NAV2: variants seen among roughly 807,000 people sequenced by gnomAD.
NAV2 encodes helicase, APC down-regulated 1.
Under a neutral mutation model 223.2 loss-of-function variants are expected in NAV2, and 54 were observed. The ratio of observed to expected loss-of-function variants is 0.24; its 90% CI spans 0.19 to 0.30. NAV2 has a LOEUF of 0.30. NAV2 is among the 10% of genes least tolerant of loss of function. The pLI is 1.00. For synonymous variants in NAV2, 1,279 were observed against 1,239.3 expected (o/e 1.03, Z -0.67); for missense variants, 2,806 against 3,147.5 (o/e 0.89, Z 2.60).
At chr11:19,918,395 G>GA (rs2043986420) in intron 6 of NAV2, among the ~76,000 whole-genome samples, 1 of 152,222 alleles carries the variant, frequency 6.6e-6, no homozygotes, top group African/African-American at 2.4e-5. Flanking sequence ...CAAATTTGGG[G>GA]AAAAAATGAG....
chr11:19,978,311 A>T (rs1054423809), intron 10 of NAV2, among the ~76,000 whole-genome samples: 11 of 152,106 alleles, frequency 7.2e-5, no homozygotes, highest in Admixed American at 6.5e-5. Flanking sequence ...TGAATGTCAC[A>T]CTGTATTATA....
At position 20,011,838 on chromosome 11, in the gene NAV2, C is replaced by T. The variant is rs184041421; in HGVS notation, c.2769-24121C>T. Among the ~76,000 whole-genome samples, 24 of 152,346 alleles carry T rather than the reference C, an allele frequency of 1.6e-4. No individual in the cohort carries two copies. The East Asian group carries it at 3.1e-3, about 20-fold the overall frequency. The stretch of plus-strand genomic sequence containing the variant: ...AGCCATAATTTGATTAACTGTCTTC[C>T]TACTGGTGAATATTTAGGGTATTTC... On this transcript the variant is annotated intron_variant, in intron 11 of 37. Transcript: ENST00000349880.
At chr11:19,718,413 G>GT (rs2050482322) in intron 1 of NAV2, among the ~76,000 whole-genome samples, 1 of 152,158 alleles carries the variant, frequency 6.6e-6, no homozygotes, top group Non-Finnish European at 1.5e-5. Flanking sequence ...GTTGCACCTA[G>GT]TTTTTTTAAA....
At chr11:19,932,851 C>T (rs978970066) in intron 6 of NAV2, among the ~76,000 whole-genome samples, 9 of 152,104 alleles carry the variant, frequency 5.9e-5, no homozygotes, top group Admixed American at 3.3e-4. Context: ...TAATTGAAAA[C>T]GGTAGGTATT....
intron 3 of NAV2, among the ~76,000 whole-genome samples, chr11:19,860,164 G>T (rs1301092103): frequency 2.7e-5 from 4 of 146,218 alleles, no homozygotes; most frequent in Admixed American, 6.8e-5. Flanking sequence ...CTGGCCAGGC[G>T]GGGGGCTGAC....
chr11:19,698,495 G>C (rs148223962), intron 1 of NAV2, among the ~76,000 whole-genome samples: 1 of 152,178 alleles, frequency 6.6e-6, no homozygotes, highest in African/African-American at 2.4e-5. Context: ...AAGGTCACCC[G>C]GACTGTGAAG....
At chr11:20,112,652 A>G (rs2062735409) in intron 36 of NAV2, among the ~76,000 whole-genome samples, 1 of 152,180 alleles carries the variant, frequency 6.6e-6, no homozygotes, top group African/African-American at 2.4e-5. Context: ...CACGTGGCTC[A>G]CATGACTCAG....
At chr11:19,401,339 T>C (rs756254076) in intron 1 of NAV2, among the ~76,000 whole-genome samples, 1 of 152,228 alleles carries the variant, frequency 6.6e-6, no homozygotes, top group African/African-American at 2.4e-5. Context: ...AGCCACGAAT[T>C]GCCAGCCTTG....
chr11:19,432,308 CT>C (rs1336137784), intron 1 of NAV2, among the ~76,000 whole-genome samples: 1 of 152,116 alleles, frequency 6.6e-6, no homozygotes, highest in Admixed American at 6.5e-5. Context: ...TGGCCCACCC[CT>C]GTCATCATTG....
chr11:19,384,691 T>C (rs1848967641), intron 1 of NAV2: 1 of 152,210 alleles, frequency 6.6e-6, no homozygotes, highest in Admixed American at 6.5e-5. Context: ...GCCCAGTGAA[T>C]ATGAGCTTCT....
chr11:19,718,314 T>G (rs991726139), intron 1 of NAV2, among the ~76,000 whole-genome samples: 1 of 152,220 alleles, frequency 6.6e-6, no homozygotes, highest in South Asian at 2.1e-4. Flanking sequence ...TTAGCCTATT[T>G]TTAAGAAGCA....
chr11:19,668,635 G>T (rs2048495148), intron 1 of NAV2, among the ~76,000 whole-genome samples: 2 of 151,434 alleles, frequency 1.3e-5, no homozygotes, highest in African/African-American at 2.4e-5. Context: ...TCAATCCAGG[G>T]TGGGGCACAC....
intron 2 of NAV2, among the ~76,000 whole-genome samples, chr11:19,837,277 A>T (rs2060286765): frequency 6.6e-6 from 1 of 152,218 alleles, no homozygotes; most frequent in Non-Finnish European, 1.5e-5. Flanking sequence ...GGAGGAGAAG[A>T]GAGGGCTGGA....
At chr11:19,917,629 G>GT (rs2043918080) in intron 6 of NAV2, among the ~76,000 whole-genome samples, 1 of 151,964 alleles carries the variant, frequency 6.6e-6, no homozygotes, top group South Asian at 2.1e-4. Flanking sequence ...TTTTGTTTTT[G>GT]TTTGAGACAG....
At chr11:19,783,358 A>T (rs933052865) in intron 1 of NAV2, among the ~76,000 whole-genome samples, 1 of 152,216 alleles carries the variant, frequency 6.6e-6, no homozygotes, top group African/African-American at 2.4e-5. Flanking sequence ...GAGCTTCCAC[A>T]TAGAACCTGT....
At chr11:19,666,559 C>T (rs61169766) in intron 1 of NAV2, among the ~76,000 whole-genome samples, 175 of 152,246 alleles carry the variant, frequency 1.1e-3, no homozygotes, top group African/African-American at 4.0e-3. Flanking sequence ...CAGTAGGCTC[C>T]CAGACAGATT....
At chr11:19,611,612 C>T (rs1476845273) in intron 1 of NAV2, among the ~76,000 whole-genome samples, 1 of 152,204 alleles carries the variant, frequency 6.6e-6, no homozygotes. Flanking sequence ...GTGGGGCAGT[C>T]AAATTTTAAA....
chr11:19,414,705 C>T (rs1277788914), intron 1 of NAV2, among the ~76,000 whole-genome samples: 3 of 152,152 alleles, frequency 2.0e-5, no homozygotes, highest in Non-Finnish European at 2.9e-5. Flanking sequence ...GTAAAACACT[C>T]CTCAGCAAAT....
intron 10 of NAV2, among the ~76,000 whole-genome samples, chr11:19,949,462 G>A (rs1221301446): frequency 1.3e-5 from 2 of 152,190 alleles, no homozygotes; most frequent in African/African-American, 4.8e-5. Flanking sequence ...CCCTGCTGCA[G>A]CTGTCCCTTC....
Sources: gnomAD v4.1 joint callset for allele counts (sites outside exome capture counted in the v4.1 genomes callset) on GRCh38, gnomAD v4.1.1 for gene constraint, MANE v1.5 for transcripts, NCBI Gene and HGNC (gene_info 2026-07-23, HGNC 2026-07-21) for gene names.